The following ZFR variants were observed in gnomAD, a reference collection of about 807,000 sequenced individuals.
ZFR encodes the protein zinc finger RNA binding protein, also known as zinc finger RNA-binding protein.
A neutral mutation model predicts 130.7 loss-of-function variants in ZFR; 19 were observed. That is an observed-to-expected ratio of 0.15 (90% CI 0.10 to 0.21). The LOEUF (loss-of-function observed/expected upper bound fraction) is 0.21, where lower values mean the gene tolerates loss of function less well. Among genes scored for constraint, ZFR ranks in the 10% least tolerant of loss-of-function variants. The pLI, the probability that ZFR is intolerant of heterozygous loss-of-function variation, is 1.00. For missense variants in ZFR, 872 were observed against 1,321.5 expected, an observed-to-expected ratio of 0.66 and a Z score of 5.27; for synonymous variants, 466 against 456.9, an observed-to-expected ratio of 1.02 and a Z score of -0.25.
intron 7 of ZFR, 24 bp downstream of exon 7, chr5:32,403,882 G>C: frequency 6.4e-7 from 1 of 1,554,054 alleles, no homozygotes; most frequent in Non-Finnish European, 8.7e-7. Context: ...AAGGCATAAG[G>C]GTGTGTGGGA....
intron 4 of ZFR, among the ~76,000 whole-genome samples, chr5:32,416,627 A>AAAG (rs1753832460): frequency 6.6e-6 from 1 of 151,728 alleles, no homozygotes; most frequent in African/African-American, 2.4e-5. Flanking sequence ...AAAAAAAAAA[A>AAAG]AGAGAAGAGA....
At chr5:32,366,954 C>T (rs529584944) in intron 17 of ZFR, among the ~76,000 whole-genome samples, 48 of 150,812 alleles carry the variant, frequency 3.2e-4, no homozygotes, top group Admixed American at 7.3e-4. Flanking sequence ...TTCGCAGGCA[C>T]GATCATAGCA....
chr5:32,382,399 T>G (rs1752953045), intron 15 of ZFR, among the ~76,000 whole-genome samples: 1 of 151,872 alleles, frequency 6.6e-6, no homozygotes, highest in African/African-American at 2.4e-5. Context: ...CTAAAGAACC[T>G]CTTTCTATGT....
chr5:32,385,209 T>A (rs1753019335), intron 15 of ZFR, among the ~76,000 whole-genome samples: 1 of 142,814 alleles, frequency 7.0e-6, no homozygotes, highest in Admixed American at 7.3e-5. Flanking sequence ...TTTCATGCAT[T>A]GACTATGCCA....
intron 5 of ZFR, among the ~76,000 whole-genome samples, chr5:32,408,822 T>C (rs1753636861): frequency 6.6e-6 from 1 of 152,250 alleles, no homozygotes; most frequent in African/African-American, 2.4e-5. Context: ...TCATTTCAGA[T>C]GTTTTCTTGT....
intron 2 of ZFR, among the ~76,000 whole-genome samples, chr5:32,425,329 C>T (rs531851423): frequency 1.3e-5 from 2 of 152,332 alleles, no homozygotes; most frequent in East Asian, 3.9e-4. Flanking sequence ...TTTTTAATTA[C>T]ACACTGGTGT....
Position 32,354,981 on chromosome 5 carries a change from TAA to T in ZFR, c.*777_*778del, listed in dbSNP as rs1752274791. ...CGTGTTAAACCTAAAATTATGATTTTAAAAGTCTATTAAAAACAAGAATGTCA... is the reference window on the plus strand; with the variant it reads ...CGTGTTAAACCTAAAATTATGATTTTAAGTCTATTAAAAACAAGAATGTCA... On this transcript the variant is annotated 3_prime_UTR_variant, in exon 20 of 20. Coordinates refer to ENST00000265069, the MANE Select transcript of ZFR (RefSeq NM_016107.5). The T allele has an allele frequency of 6.6e-6, 1 of 152,234 alleles. No homozygotes were observed. Among genetic ancestry groups the T allele is most frequent in the African/African-American group, 2.4e-5 (1 of 41,464 alleles). 9.4% of individuals were successfully genotyped at this position (152,234 alleles called of 1,614,324 possible).
chr5:32,365,966 T>C (rs1332244848), intron 17 of ZFR, among the ~76,000 whole-genome samples: 2 of 152,168 alleles, frequency 1.3e-5, no homozygotes, highest in Non-Finnish European at 2.9e-5. Context: ...GGGACAAGCT[T>C]CAGTCATCTA....
chr5:32,438,394 G>A (rs1331791685), intron 2 of ZFR, among the ~76,000 whole-genome samples: 1 of 151,588 alleles, frequency 6.6e-6, no homozygotes, highest in African/African-American at 2.4e-5. Context: ...CTCCCGAGTA[G>A]CTGGGATTAC....
intron 17 of ZFR, among the ~76,000 whole-genome samples, chr5:32,366,555 C>A (rs1441536550): frequency 6.6e-6 from 1 of 152,154 alleles, no homozygotes; most frequent in South Asian, 2.1e-4. Context: ...TAATCAACTA[C>A]CTCTGACACC....
chr5:32,435,874 C>T (rs1160223720), intron 2 of ZFR, among the ~76,000 whole-genome samples: 1 of 152,174 alleles, frequency 6.6e-6, no homozygotes, highest in Non-Finnish European at 1.5e-5. Flanking sequence ...GAACACTAGA[C>T]TACAAACTTA....
At chr5:32,377,593 T>C (rs1289074262) in intron 17 of ZFR, among the ~76,000 whole-genome samples, 1 of 152,028 alleles carries the variant, frequency 6.6e-6, no homozygotes, top group Non-Finnish European at 1.5e-5. Context: ...AAAGAATTAC[T>C]ATAATAAAAT....
At chr5:32,387,843 G>C (rs750445866) in intron 13 of ZFR, 144 bp from the exon 14 acceptor site, 60 of 723,724 alleles carry the variant, frequency 8.3e-5, no homozygotes, top group Non-Finnish European at 1.2e-4. Flanking sequence ...AGCATTTTTA[G>C]AACTATACTT....
intron 17 of ZFR, among the ~76,000 whole-genome samples, chr5:32,377,527 T>C (rs960780857): frequency 6.6e-6 from 1 of 151,630 alleles, no homozygotes; most frequent in African/African-American, 2.4e-5. Context: ...AGCTGAAAAG[T>C]AGATGAAAAA....
chr5:32,367,048 G>A (rs1485701268), intron 17 of ZFR, among the ~76,000 whole-genome samples: 1 of 151,930 alleles, frequency 6.6e-6, no homozygotes, highest in Admixed American at 6.6e-5. Context: ...GAATGCCACT[G>A]CACTCCACTG....
At chr5:32,438,004 G>A (rs1164531897) in intron 2 of ZFR, among the ~76,000 whole-genome samples, 1 of 152,032 alleles carries the variant, frequency 6.6e-6, no homozygotes, top group Non-Finnish European at 1.5e-5. Context: ...TTGGAGTAAT[G>A]CTAAATATAT....
Position 32,403,171 on chromosome 5 carries a change from T to G in ZFR, c.1451A>C (p.Lys484Thr). Residue 484 changes from lysine (K) to threonine (T), a missense_variant, in exon 8 of 20, where the codon AAA (lysine) becomes ACA (threonine). This residue lies in a region of ZFR where 143 missense variants were observed against 137.9 expected (regional missense o/e 1.04). Coordinates refer to ENST00000265069, the MANE Select transcript of ZFR (RefSeq NM_016107.5). ...CATATTTGTAGGCACTGCTGATACT[T>G]TAGTGTTAGATGTGCTATTAAGAGA... Reference protein sequence around the residue: ...NSSLNSTSNTKVSAVPTNMAA... With the variant: ...NSSLNSTSNTTVSAVPTNMAA... The G allele has an allele frequency of 6.2e-7, 1 of 1,614,162 alleles. No homozygotes were observed. The highest frequency in any genetic ancestry group is 1.1e-5 in the South Asian group (1 of 91,080).
At position 32,403,167 on chromosome 5, in the gene ZFR, T is replaced by C; in HGVS notation, c.1455A>G (p.Val485=). The C allele has an allele frequency of 1.2e-6, 2 of 1,614,202 alleles. No homozygotes were observed. The highest frequency in any genetic ancestry group is 1.7e-6 in the Non-Finnish European group (2 of 1,180,018). Residue 485 remains valine (V), a synonymous_variant, in exon 8 of 20, where the codon GTA becomes GTG. Coordinates refer to ENST00000265069, the MANE Select transcript of ZFR (RefSeq NM_016107.5). The part of the protein sequence containing the change: ...SSLNSTSNTK[V]SAVPTNMAAK... ...CAGCCATATTTGTAGGCACTGCTGA[T>C]ACTTTAGTGTTAGATGTGCTATTAA...
At chr5:32,391,119 G>A (rs1753161416) in intron 11 of ZFR, among the ~76,000 whole-genome samples, 1 of 152,186 alleles carries the variant, frequency 6.6e-6, no homozygotes, top group African/African-American at 2.4e-5. Context: ...TAAATCTTGT[G>A]CAATTTTGAG....
Sources: gnomAD v4.1 joint callset for allele counts (sites outside exome capture counted in the v4.1 genomes callset) on GRCh38, gnomAD v4.1.1 for gene constraint, gnomAD v4.1.1 regional missense constraint, MANE v1.5 for transcripts, NCBI Gene and HGNC (gene_info 2026-07-23, HGNC 2026-07-21) for gene names.